Variants in RAB10 observed in about 807,000 individuals in gnomAD.
RAB10 encodes the protein ras-related protein Rab-10.
In RAB10, 5 loss-of-function variants were observed where a neutral mutation model predicts 25.7. That is an observed-to-expected ratio of 0.19 (90% confidence interval 0.10 to 0.41). RAB10 has a LOEUF of 0.41. RAB10 is among the 10% of genes least tolerant of loss of function. The pLI is 1.00. For synonymous variants in RAB10, 89 were observed against 86.4 expected, an observed-to-expected ratio of 1.03 and a Z score of -0.16; for missense variants, 103 against 245.8, an observed-to-expected ratio of 0.42 and a Z score of 3.89.
intron 1 of RAB10, among the ~76,000 whole-genome samples, chr2:26,041,775 A>C (rs1179309217): frequency 1.3e-5 from 2 of 151,378 alleles, no homozygotes; most frequent in East Asian, 3.9e-4. Context: ...GTGGTGGCGC[A>C]TGCCTGTAAT....
chr2:26,106,025 A>G (rs1442178502), intron 2 of RAB10, among the ~76,000 whole-genome samples: 2 of 152,226 alleles, frequency 1.3e-5, no homozygotes, highest in East Asian at 3.8e-4. Context: ...CTCAGAATAT[A>G]TCCCTGTCAT....
intron 2 of RAB10, among the ~76,000 whole-genome samples, chr2:26,107,144 G>A (rs1667479686): frequency 6.6e-6 from 1 of 151,338 alleles, no homozygotes; most frequent in African/African-American, 2.4e-5. Flanking sequence ...TATTCCAGAG[G>A]CTGAGGCAGG....
chr2:26,131,755 C>T (rs1031306331), intron 5 of RAB10, among the ~76,000 whole-genome samples: 30 of 152,246 alleles, frequency 2.0e-4, no homozygotes, highest in African/African-American at 5.8e-4. Flanking sequence ...ACCCCACCCC[C>T]ACAACCTTTT....
At chr2:26,129,489 A>T (rs1366206317) in intron 5 of RAB10, among the ~76,000 whole-genome samples, 24 of 152,178 alleles carry the variant, frequency 1.6e-4, no homozygotes, top group Admixed American at 1.6e-3. Context: ...AAGGACAGAG[A>T]CATTAGCTGT....
chr2:26,092,601 A>G (rs1350368042), intron 1 of RAB10, among the ~76,000 whole-genome samples: 2 of 152,128 alleles, frequency 1.3e-5, no homozygotes, highest in Non-Finnish European at 2.9e-5. Flanking sequence ...AGTTAGATTA[A>G]GTAGGTACCT....
intron 1 of RAB10, among the ~76,000 whole-genome samples, chr2:26,090,120 G>T (rs1667071843): frequency 6.6e-6 from 1 of 152,086 alleles, no homozygotes; most frequent in Non-Finnish European, 1.5e-5. Flanking sequence ...ACTGTTGAAT[G>T]GATTTCATTT....
At chr2:26,080,367 G>C (rs918711098) in intron 1 of RAB10, among the ~76,000 whole-genome samples, 1 of 152,148 alleles carries the variant, frequency 6.6e-6, no homozygotes, top group Admixed American at 6.5e-5. Context: ...GCAGGAGCCA[G>C]GAATGGAATG....
chr2:26,133,661 TTTTTTC>T (rs1274583691), intron 5 of RAB10, among the ~76,000 whole-genome samples: 5 of 152,130 alleles, frequency 3.3e-5, no homozygotes, highest in African/African-American at 1.2e-4. Flanking sequence ...ATTCTGATTT[TTTTTTC>T]TTTTTCTTTT....
chr2:26,118,785 G>C (rs1667743223), intron 3 of RAB10, among the ~76,000 whole-genome samples: 1 of 152,138 alleles, frequency 6.6e-6, no homozygotes. Context: ...CTCTGTATTA[G>C]TACCTTGGGA....
chr2:26,034,562 C>G lies in RAB10; in HGVS notation c.-47C>G, dbSNP rs368543284. 1 of 1,611,080 alleles carries G rather than the reference C, an allele frequency of 6.2e-7. No individual in the cohort carries two copies. Among genetic ancestry groups the G allele is most frequent in the East Asian group, 2.2e-5 (1 of 44,878 alleles). ...AGGAGTTGGCCGTAGTGAGAGGGAC[C>G]GATCCCTTGGGGCCGCCGGCGGCGA... On this transcript the variant is annotated 5_prime_UTR_variant, in exon 1 of 6. Transcript: ENST00000264710.
At chr2:26,078,608 AAG>A (rs1395274802) in intron 1 of RAB10, among the ~76,000 whole-genome samples, 2 of 152,138 alleles carry the variant, frequency 1.3e-5, no homozygotes, top group African/African-American at 2.4e-5. Context: ...AGTCTAGGAA[AAG>A]AGGGGAGGGG....
chr2:26,036,189 G>A (rs191410754), intron 1 of RAB10, among the ~76,000 whole-genome samples: 22 of 152,310 alleles, frequency 1.4e-4, no homozygotes, highest in Non-Finnish European at 1.6e-4. Flanking sequence ...AGCACCTAAT[G>A]CTGGGCACTG....
chr2:26,130,512 T>A (rs1667991312), intron 5 of RAB10, among the ~76,000 whole-genome samples: 1 of 152,048 alleles, frequency 6.6e-6, no homozygotes, highest in Admixed American at 6.6e-5. Context: ...TCTGACTATG[T>A]TGCCCAGGCT....
At chr2:26,113,060 G>A (rs1667607798) in intron 3 of RAB10, among the ~76,000 whole-genome samples, 1 of 152,092 alleles carries the variant, frequency 6.6e-6, no homozygotes, top group African/African-American at 2.4e-5. Flanking sequence ...ACTCCATCCT[G>A]GGCAGCAGAG....
At chr2:26,033,778 A>AGCGGGAG (rs1176083251), upstream of RAB10, among the ~76,000 whole-genome samples, 297 of 125,482 alleles carry the variant, frequency 2.4e-3, 1 homozygote, top group Middle Eastern at 7.5e-3. Context: ...GGGAGCGGGG[A>AGCGGGAG]GCGGGAGGCG....
chr2:26,135,309 C>T lies in RAB10; in HGVS notation c.*288C>T. ...TGTATTATAGTCCAGTTCTTATCAACATTAAAACCTATAGCAATCATTTCA... is the reference window on the plus strand; with the variant it reads ...TGTATTATAGTCCAGTTCTTATCAATATTAAAACCTATAGCAATCATTTCA... On this transcript the variant is annotated 3_prime_UTR_variant, in exon 6 of 6. Transcript: ENST00000264710. 1 of 286,340 alleles carries T rather than the reference C, an allele frequency of 3.5e-6. No homozygotes were observed. 17.7% of individuals were successfully genotyped at this position (286,340 alleles called of 1,614,324 possible).
chr2:26,099,532 G>GTTTT (rs70950167), intron 2 of RAB10, among the ~76,000 whole-genome samples: 6 of 73,338 alleles, frequency 8.2e-5, no homozygotes, highest in Non-Finnish European at 1.4e-4. Flanking sequence ...GTTTTTTTGG[G>GTTTT]TTTTTTTTTT....
chr2:26,097,340 C>G (rs139920450), intron 1 of RAB10, among the ~76,000 whole-genome samples: 1,993 of 152,240 alleles, frequency 0.013, 29 homozygotes, highest in South Asian at 0.039. Context: ...GTGGCGCGAT[C>G]TCAGCTCACT....
At chr2:26,133,648 T>C (rs778107386) in intron 5 of RAB10, among the ~76,000 whole-genome samples, 3 of 152,144 alleles carry the variant, frequency 2.0e-5, no homozygotes, top group Non-Finnish European at 4.4e-5. Context: ...TTTAAAATAC[T>C]GTATTCTGAT....
Sources: allele counts gnomAD v4.1 joint callset (sites outside exome capture counted in the v4.1 genomes callset), GRCh38; gene constraint gnomAD v4.1.1; transcripts MANE v1.5; gene names NCBI Gene and HGNC (gene_info 2026-07-23, HGNC 2026-07-21).